TMX2: variants seen among roughly 807,000 people sequenced by gnomAD.
TMX2 encodes thioredoxin related transmembrane protein 2, also known as thioredoxin-related transmembrane protein 2.
TMX2 carries 20 observed loss-of-function variants against 33.4 expected under a neutral mutation model. That is an observed-to-expected ratio of 0.60 (90% confidence interval 0.42 to 0.87). The LOEUF (loss-of-function observed/expected upper bound fraction) is 0.87. Among genes scored for constraint, TMX2 ranks in the 40% least tolerant of loss-of-function variants. The pLI, the probability that TMX2 is intolerant of heterozygous loss-of-function variation, is 0.00. For missense variants in TMX2, 340 were observed against 370.7 expected (o/e 0.92, Z 0.68); for synonymous variants, 166 against 140.7 (o/e 1.18, Z -1.27).
At chr11:57,721,344 AGTT>A (rs1489599808) in intron 1 of TMX2, among the ~76,000 whole-genome samples, 3 of 133,252 alleles carry the variant, frequency 2.3e-5, no homozygotes, top group African/African-American at 8.5e-5. Context: ...AAATAAATAA[AGTT>A]TTTTTTTTTT....
chr11:57,736,830 G>A (rs1376061831), intron 1 of TMX2, among the ~76,000 whole-genome samples: 1 of 150,458 alleles, frequency 6.6e-6, no homozygotes, highest in East Asian at 2.0e-4. Flanking sequence ...AGGTTTCAGT[G>A]AGCTGAGATC....
At chr11:57,728,602 T>C (rs937365380) in intron 1 of TMX2, among the ~76,000 whole-genome samples, 24 of 152,258 alleles carry the variant, frequency 1.6e-4, no homozygotes, top group Middle Eastern at 3.4e-3. Context: ...GCTAGGAAGT[T>C]GTTGTTTAAG....
At chr11:57,719,035 T>TA (rs1947381834) in intron 1 of TMX2, among the ~76,000 whole-genome samples, 2 of 90,920 alleles carry the variant, frequency 2.2e-5, no homozygotes, top group Non-Finnish European at 4.2e-5. Context: ...ATATATATAT[T>TA]TTTTTTTTTT....
At chr11:57,724,087 A>T (rs1326541839) in intron 1 of TMX2, among the ~76,000 whole-genome samples, 1 of 152,060 alleles carries the variant, frequency 6.6e-6, no homozygotes, top group African/African-American at 2.4e-5. Context: ...ACTTTAGTGG[A>T]TTGTGAAAAT....
Position 57,712,707 on chromosome 11 carries a change from C to T in TMX2, c.89C>T (p.Ala30Val), listed in dbSNP as rs1176669522. ...WLAQPYYLLS[A>V]LLSAAFLLVR... ...GCCCAACCTTACTACCTTCTGTCGG[C>T]CCTGCTCTCTGCTGCCTTCCTACTC... is the stretch of plus-strand genomic sequence containing the variant. The change falls in exon 1 of 8, where the codon GCC becomes GTC. Residue 30 changes from alanine (A) to valine (V), a missense_variant. Physicochemically the swap from Ala to Val is moderately conservative, Grantham distance 64. Around this residue, in one of 3 missense-constraint regions of TMX2, gnomAD observed 106 missense variants for 82.7 expected, o/e 1.28. Transcript: ENST00000278422. 3 of 1,614,076 alleles carry T rather than the reference C, an allele frequency of 1.9e-6. No homozygotes were observed. Among genetic ancestry groups the T allele is most frequent in the Non-Finnish European group, 2.5e-6 (3 of 1,180,044 alleles).
At chr11:57,720,512 T>C (rs1271761970) in intron 1 of TMX2, among the ~76,000 whole-genome samples, 1 of 152,254 alleles carries the variant, frequency 6.6e-6, no homozygotes, top group African/African-American at 2.4e-5. Flanking sequence ...GCGATTCTCA[T>C]ACCTCAACCT....
chr11:57,734,406 C>A (rs1948614466), intron 1 of TMX2, among the ~76,000 whole-genome samples: 1 of 152,152 alleles, frequency 6.6e-6, no homozygotes, highest in Non-Finnish European at 1.5e-5. Context: ...TAGAGAATTT[C>A]TTTTGGTCCT....
chr11:57,712,777 C>G lies in TMX2; in HGVS notation c.159C>G (p.Arg53=). 6.2e-7 allele frequency: 1 copy of G among 1,614,144 alleles called. No individual in the cohort carries two copies. The highest frequency in any genetic ancestry group is 1.3e-5 in the African/African-American group (1 of 75,064). Residue 53 remains arginine, a synonymous_variant, in exon 1 of 8, where the codon CGC becomes CGG. Coordinates refer to ENST00000278422, the MANE Select transcript of TMX2 (RefSeq NM_015959.4). ...TCTGCCACGGTCTGCCCACCCAACG[C>G]GAAGACGGTAACCCGTGTGACTTTG... is the stretch of plus-strand genomic sequence containing the variant. ...PPLCHGLPTQ[R]EDGNPCDFDW...
At chr11:57,720,440 TCGC>T (rs1403295654) in intron 1 of TMX2, among the ~76,000 whole-genome samples, 2 of 152,230 alleles carry the variant, frequency 1.3e-5, no homozygotes, top group Non-Finnish European at 2.9e-5. Context: ...TCTTGCTCTA[TCGC>T]CCAGGCTGGA....
intron 1 of TMX2, among the ~76,000 whole-genome samples, chr11:57,730,687 G>C (rs1232415577): frequency 6.6e-6 from 1 of 152,010 alleles, no homozygotes; most frequent in Non-Finnish European, 1.5e-5. Context: ...GCAGTGAGCC[G>C]AGATCGTACC....
chr11:57,735,154 A>T (rs1246928583), intron 1 of TMX2, among the ~76,000 whole-genome samples: 1 of 151,714 alleles, frequency 6.6e-6, no homozygotes, highest in Admixed American at 6.6e-5. Flanking sequence ...ATCTTTCCTA[A>T]TTTCTGCCTC....
At chr11:57,728,934 A>G (rs1948175149) in intron 1 of TMX2, among the ~76,000 whole-genome samples, 1 of 151,896 alleles carries the variant, frequency 6.6e-6, no homozygotes, top group Admixed American at 6.6e-5. Flanking sequence ...GGAAACACAC[A>G]TGAGGGCTGA....
chr11:57,714,012 G>A (rs1244146242), intron 1 of TMX2, among the ~76,000 whole-genome samples: 2 of 152,226 alleles, frequency 1.3e-5, no homozygotes, highest in Non-Finnish European at 2.9e-5. Context: ...AGATAAGGTA[G>A]TTATCAGAGT....
chr11:57,727,866 T>C (rs959737640), intron 1 of TMX2, among the ~76,000 whole-genome samples: 6 of 152,238 alleles, frequency 3.9e-5, no homozygotes, highest in Non-Finnish European at 8.8e-5. Context: ...CTCAATCCTT[T>C]ATCATAACCT....
At chr11:57,723,735 G>A (rs1186602562) in intron 1 of TMX2, among the ~76,000 whole-genome samples, 3 of 151,398 alleles carry the variant, frequency 2.0e-5, no homozygotes, top group African/African-American at 7.3e-5. Context: ...CCCAGCAGGC[G>A]GAGGTTGCAT....
At chr11:57,738,281 T>C in intron 3 of TMX2, 73 bp from the exon 4 acceptor site, 1 of 1,136,874 alleles carries the variant, frequency 8.8e-7, no homozygotes, top group South Asian at 1.3e-5. Flanking sequence ...CTGAAATCCT[T>C]GGGTTGGTTT....
intron 1 of TMX2, among the ~76,000 whole-genome samples, chr11:57,713,920 T>C (rs1035425973): frequency 2.0e-5 from 3 of 152,232 alleles, no homozygotes; most frequent in African/African-American, 4.8e-5. Context: ...ATCTTTCTTC[T>C]TGTACTGAAG....
At position 57,737,929 on chromosome 11, in the gene TMX2, T is replaced by C. The variant is rs1218043320; in HGVS notation, c.267T>C (p.His89=). 30 of 1,614,058 alleles carry C rather than the reference T, an allele frequency of 1.9e-5. No homozygotes were observed. The highest frequency in any genetic ancestry group is 2.3e-5 in the Non-Finnish European group (27 of 1,180,018). The change falls in exon 3 of 8, where the codon CAT becomes CAC. Residue 89 remains histidine, a synonymous_variant. Transcript: ENST00000278422. The part of the protein sequence containing the change: ...KNRRSITVEQ[H]IGNIFMFSKV... ...GTGTTTCAGTCACTGTGGAGCAACA[T>C]ATAGGCAACATTTTCATGTTTAGTA...
chr11:57,718,108 C>T (rs1947302326), intron 1 of TMX2: 11 of 1,244,770 alleles, frequency 8.8e-6, no homozygotes, highest in South Asian at 4.8e-5. Context: ...CCAAAGCGCT[C>T]CATGGCCTCT....
Sources: allele counts gnomAD v4.1 joint callset (sites outside exome capture counted in the v4.1 genomes callset), GRCh38; gene constraint gnomAD v4.1.1; regional missense constraint gnomAD v4.1.1; transcripts MANE v1.5; gene names NCBI Gene and HGNC (gene_info 2026-07-23, HGNC 2026-07-21).